Variants in AHCY observed in about 807,000 individuals in gnomAD.
The protein encoded by AHCY is adenosylhomocysteinase, also known as S-adenosyl-L-homocysteine hydrolase.
A neutral mutation model predicts 45.4 loss-of-function variants in AHCY; 24 were observed. The observed-to-expected ratio is 0.53, with a 90% CI of 0.38 to 0.74. AHCY has a LOEUF of 0.74. Ranked by LOEUF, AHCY falls within the 30% of genes least tolerant of loss-of-function variation. AHCY has a pLI of 0.00. For synonymous variants in AHCY, 245 were observed against 235.1 expected, an observed-to-expected ratio of 1.04 and a Z score of -0.39; for missense variants, 449 against 594.1, an observed-to-expected ratio of 0.76 and a Z score of 2.54.
chr20:34,285,411 C>A, intron 9 of AHCY, 29 bp downstream of exon 9: 1 of 1,613,044 alleles, frequency 6.2e-7, no homozygotes, highest in South Asian at 1.1e-5. Flanking sequence ...ACACGTGACC[C>A]TTGGCTTGAG....
At chr20:34,275,126 A>G in the AHCY span, among the ~76,000 whole-genome samples, 24 of 116,476 alleles carry the variant, frequency 2.1e-4, no homozygotes, top group Non-Finnish European at 2.5e-4. Context: ...CAAGTTCTCT[A>G]TTTTCTTTTT....
In AHCY at chr20:34,295,185, C is replaced by A. The variant is rs756515242; in HGVS notation, c.219+210G>T. 4.3e-6 allele frequency: 3 copies of A among 691,582 alleles called. No homozygotes were observed. In the South Asian group the frequency reaches 4.9e-5, roughly 11 times the overall value. 42.8% of individuals were successfully genotyped at this position (691,582 alleles called of 1,614,324 possible). A position where few individuals can be genotyped will look rare whatever the true frequency, so the allele number is the denominator to read the frequency against. ...ATGCCTTGAGGGTAGCCAACAGTGA[C>A]CTTCCCAGCCAGGGAGAAAATCTGC... On this transcript the variant is annotated intron_variant, in intron 2 of 9. Coordinates refer to ENST00000217426, the MANE Select transcript of AHCY (RefSeq NM_000687.4).
intron 9 of AHCY, among the ~76,000 whole-genome samples, chr20:34,284,127 G>C (rs983981627): frequency 2.6e-5 from 4 of 152,134 alleles, no homozygotes. Flanking sequence ...TGAGTATGCA[G>C]ACCATACAAC....
At chr20:34,260,266 G>C in the AHCY span, 1 of 1,257,354 alleles carries the variant, frequency 8.0e-7, no homozygotes. Flanking sequence ...TTGCCTAACA[G>C]GGTCACAACA....
At chr20:34,239,040 A>G in the AHCY span, among the ~76,000 whole-genome samples, 2 of 152,154 alleles carry the variant, frequency 1.3e-5, no homozygotes, top group East Asian at 3.9e-4. Flanking sequence ...TTTCCTGGCT[A>G]ATTATTTCTA....
chr20:34,241,492 G>A, the AHCY span: 1 of 985,456 alleles, frequency 1.0e-6, no homozygotes, highest in Non-Finnish European at 1.2e-6. Flanking sequence ...GAAAGCATGT[G>A]AGTTTAGATG....
intron 9 of AHCY, among the ~76,000 whole-genome samples, chr20:34,284,343 G>GT (rs2036101229): frequency 6.6e-6 from 1 of 151,890 alleles, no homozygotes; most frequent in South Asian, 2.1e-4. Flanking sequence ...TGTATTTTTA[G>GT]TAGAGATGGG....
chr20:34,246,539 C>A, the AHCY span: 1 of 1,006,826 alleles, frequency 9.9e-7, no homozygotes, highest in South Asian at 1.3e-5. Flanking sequence ...AATCTCAGCT[C>A]ACTGCAACCT....
the AHCY span, among the ~76,000 whole-genome samples, chr20:34,249,077 TGA>T: frequency 4.6e-5 from 7 of 151,482 alleles, no homozygotes; most frequent in Admixed American, 4.0e-4. Flanking sequence ...TACAATGAGC[TGA>T]GATGGCACCA....
chr20:34,263,845 A>G, the AHCY span, among the ~76,000 whole-genome samples: 1 of 151,350 alleles, frequency 6.6e-6, no homozygotes, highest in East Asian at 1.9e-4. Flanking sequence ...ATGTTTTTGT[A>G]TTTTTAGTAG....
At chr20:34,246,267 TCTC>T in the AHCY span, 11 of 1,551,452 alleles carry the variant, frequency 7.1e-6, no homozygotes, top group African/African-American at 1.4e-5. Context: ...TGTTTTTTCT[TCTC>T]CTCTTCTTCC....
In AHCY at chr20:34,293,881, C is replaced by T; in HGVS notation, c.295+200G>A. On this transcript the variant is annotated intron_variant, in intron 3 of 9. Coordinates refer to ENST00000217426, the MANE Select transcript of AHCY (RefSeq NM_000687.4). ...CCTGGTTACACGGCTTGACCTGGGT[C>T]AATAAACAACTTCCACAGGATTTTA... 3 of 656,962 alleles carry T rather than the reference C, an allele frequency of 4.6e-6. No individual in the cohort carries two copies. In the South Asian group the frequency reaches 5.1e-5, roughly 11 times the overall value. 40.7% of individuals were successfully genotyped at this position (656,962 alleles called of 1,614,324 possible).
chr20:34,293,883 AT>A, intron 3 of AHCY, 197 bp downstream of exon 3: 1 of 661,672 alleles, frequency 1.5e-6, no homozygotes, highest in South Asian at 1.7e-5. Context: ...ACCTGGGTCA[AT>A]AAACAACTTC....
At chr20:34,295,948 C>T (rs545993130) in intron 1 of AHCY, among the ~76,000 whole-genome samples, 1 of 152,168 alleles carries the variant, frequency 6.6e-6, no homozygotes, top group South Asian at 2.1e-4. Flanking sequence ...CTAAAGACTC[C>T]CTAAAGATGT....
chr20:34,294,152 T>C lies in AHCY; in HGVS notation c.224A>G (p.Gln75Arg). ...ETLVTLGAEV[Q>R]WSSCNIFSTQ... ...GGAGAAGATGTTGCAGCTGGACCAC[T>C]GCACCTAGAAGAGCCATCAAAACAA... Residue 75 changes from glutamine to arginine, a missense_variant, in exon 3 of 10, where the codon CAG (glutamine) becomes CGG (arginine). Transcript: ENST00000217426. 6.2e-7 allele frequency: 1 copy of C among 1,613,096 alleles called. No homozygotes were observed. Among genetic ancestry groups the C allele is most frequent in the Non-Finnish European group, 8.5e-7 (1 of 1,179,990 alleles).
At chr20:34,265,457 G>A in the AHCY span, among the ~76,000 whole-genome samples, 3 of 152,074 alleles carry the variant, frequency 2.0e-5, no homozygotes, top group African/African-American at 7.2e-5. Flanking sequence ...CTGGGATATC[G>A]AGGCTACAGT....
the AHCY span, among the ~76,000 whole-genome samples, chr20:34,269,603 C>T: frequency 2.6e-5 from 4 of 151,820 alleles, no homozygotes; most frequent in Admixed American, 6.6e-5. Context: ...CAGTCTCACA[C>T]ATTTCCTCCT....
the AHCY span, chr20:34,245,825 T>C: frequency 1.3e-6 from 1 of 776,842 alleles, no homozygotes; most frequent in Non-Finnish European, 1.6e-6. Flanking sequence ...GAGGGCAGTC[T>C]ACAGTTTTAC....
At position 34,285,476 on chromosome 20, in the gene AHCY, G is replaced by C. The variant is rs767883468; in HGVS notation, c.1131C>G (p.Asp377Glu). The C allele has an allele frequency of 1.2e-6, 2 of 1,614,092 alleles. No individual in the cohort carries two copies. Among genetic ancestry groups the C allele is most frequent in the Non-Finnish European group, 1.7e-6 (2 of 1,179,944 alleles). Residue 377 changes from aspartate to glutamate, a missense_variant, in exon 9 of 10, where the codon GAC becomes GAG. Physicochemically the swap from Asp to Glu is conservative, Grantham distance 45 (BLOSUM62 2). Coordinates refer to ENST00000217426, the MANE Select transcript of AHCY (RefSeq NM_000687.4). ...GGAAATGAACCCCAACGGGGTACTT[G>C]TCTGGATGGGTCCACAGCTCGATCT... ...MAQIELWTHP[D>E]KYPVGVHFLP...
Sources: gnomAD v4.1 joint callset for allele counts (sites outside exome capture counted in the v4.1 genomes callset) on GRCh38, gnomAD v4.1.1 for gene constraint, MANE v1.5 for transcripts, NCBI Gene and HGNC (gene_info 2026-07-23, HGNC 2026-07-21) for gene names.